The following ZDHHC14 variants were observed in gnomAD, a reference collection of about 807,000 sequenced individuals.
ZDHHC14 encodes zDHHC palmitoyltransferase 14.
ZDHHC14 carries 16 observed loss-of-function variants against 47.7 expected under a neutral mutation model. That is an observed-to-expected ratio of 0.34 (90% CI 0.23 to 0.51). The LOEUF (loss-of-function observed/expected upper bound fraction) is 0.51. ZDHHC14 is among the 20% of genes least tolerant of loss of function. The probability of loss-of-function intolerance (pLI) is 0.97; values close to 1 mark genes in which losing one functional copy is unlikely to be tolerated. For synonymous variants in ZDHHC14, 293 were observed against 278.9 expected (o/e 1.05, Z -0.50); for missense variants, 515 against 662.5 (o/e 0.78, Z 2.44).
At chr6:157,546,943 C>G (rs1781995084) in intron 2 of ZDHHC14, among the ~76,000 whole-genome samples, 1 of 152,142 alleles carries the variant, frequency 6.6e-6, no homozygotes, top group Non-Finnish European at 1.5e-5. Context: ...CTTTGGCTCC[C>G]AAAGCAAGGC....
intron 1 of ZDHHC14, among the ~76,000 whole-genome samples, chr6:157,469,255 A>T (rs1779298496): frequency 6.6e-6 from 1 of 152,116 alleles, no homozygotes; most frequent in Non-Finnish European, 1.5e-5. Context: ...GCCCTCTCTT[A>T]TATGGAGTTG....
intron 1 of ZDHHC14, among the ~76,000 whole-genome samples, chr6:157,504,449 AT>A (rs35677570): frequency 0.47 from 45,018 of 96,360 alleles, 8,897 homozygotes; most frequent in East Asian, 0.5. Flanking sequence ...CACCCAGCCT[AT>A]TTTTTTTTTT....
rs191872255 is a variant in ZDHHC14 at position 157,428,748 on chromosome 6, T to C, written c.245+46482T>C. Among the ~76,000 whole-genome samples, 339 of 152,118 alleles carry C rather than the reference T, an allele frequency of 2.2e-3. 3 individuals are homozygous for C. Among genetic ancestry groups the C allele is most frequent in the African/African-American group, 7.8e-3 (325 of 41,484 alleles). The stretch of plus-strand genomic sequence containing the variant: ...GTCTGATCGAGTCAATTACAGTGCA[T>C]TGTTAGTCGTTACCTGTTCTGGTTG... On this transcript the variant is annotated intron_variant, in intron 1 of 8. Transcript: ENST00000359775.
At chr6:157,392,014 G>C (rs188563876) in intron 1 of ZDHHC14, among the ~76,000 whole-genome samples, 20 of 151,930 alleles carry the variant, frequency 1.3e-4, no homozygotes, top group African/African-American at 4.3e-4. Flanking sequence ...CTGATTCTTG[G>C]CATTTGCTGT....
intron 4 of ZDHHC14, chr6:157,630,737 A>C: frequency 7.5e-6 from 1 of 133,270 alleles, no homozygotes; most frequent in African/African-American, 3.5e-5. Flanking sequence ...ACCGCCTTAC[A>C]CACACATACT....
intron 2 of ZDHHC14, among the ~76,000 whole-genome samples, chr6:157,573,650 G>C (rs1230758668): frequency 6.6e-6 from 1 of 152,156 alleles, no homozygotes; most frequent in Non-Finnish European, 1.5e-5. Context: ...GTCTCTCACA[G>C]TGCTTAACCC....
intron 1 of ZDHHC14, 67 bp downstream of exon 1, chr6:157,382,333 C>T (rs1383147146): frequency 1.3e-6 from 2 of 1,558,766 alleles, no homozygotes; most frequent in African/African-American, 1.4e-5. Context: ...CGCCCCTCCT[C>T]GGGCTGCTTT....
chr6:157,657,682 G>C (rs1194980501), intron 8 of ZDHHC14, among the ~76,000 whole-genome samples: 1 of 152,176 alleles, frequency 6.6e-6, no homozygotes, highest in Non-Finnish European at 1.5e-5. Context: ...GGAGTCATAC[G>C]CGTATAAGCA....
At chr6:157,460,057 CAAAAAAAA>C (rs35995673) in intron 1 of ZDHHC14, among the ~76,000 whole-genome samples, 1 of 118,232 alleles carries the variant, frequency 8.5e-6, no homozygotes, top group African/African-American at 3.2e-5. Context: ...ACTAAAAATA[CAAAAAAAA>C]AAAAAAAAAA....
At chr6:157,551,988 T>G (rs1782253302) in intron 2 of ZDHHC14, among the ~76,000 whole-genome samples, 1 of 152,148 alleles carries the variant, frequency 6.6e-6, no homozygotes, top group Non-Finnish European at 1.5e-5. Context: ...AATAAATCCC[T>G]CTTTCTCCTT....
intron 1 of ZDHHC14, among the ~76,000 whole-genome samples, chr6:157,447,481 C>T (rs942048395): frequency 9.2e-5 from 14 of 152,190 alleles, no homozygotes; most frequent in Admixed American, 2.6e-4. Flanking sequence ...TAGGCACCCC[C>T]GGGACTGAGG....
At chr6:157,492,210 C>CCCCT (rs372015150) in intron 1 of ZDHHC14, among the ~76,000 whole-genome samples, 4 of 146,110 alleles carry the variant, frequency 2.7e-5, no homozygotes, top group African/African-American at 1.0e-4. Context: ...GCCCCCGCCC[C>CCCCT]CCAGCCACTG....
chr6:157,441,731 G>A (rs551413539), intron 1 of ZDHHC14, among the ~76,000 whole-genome samples: 26 of 152,148 alleles, frequency 1.7e-4, no homozygotes, highest in African/African-American at 4.8e-4. Flanking sequence ...CCAGCTACTC[G>A]GGAGGCTGAG....
chr6:157,572,638 T>TC, intron 2 of ZDHHC14, among the ~76,000 whole-genome samples: 1 of 97,154 alleles, frequency 1.0e-5, no homozygotes, highest in African/African-American at 4.1e-5. Flanking sequence ...ATGCTATCCC[T>TC]CCCCCCGCCC....
intron 8 of ZDHHC14, 114 bp downstream of exon 8, chr6:157,653,741 A>G (rs936748919): frequency 3.1e-6 from 3 of 975,210 alleles, no homozygotes; most frequent in African/African-American, 1.6e-5. Context: ...GGCAGCCCAC[A>G]GCCGCCCACC....
At chr6:157,493,363 C>A (rs994202794) in intron 1 of ZDHHC14, among the ~76,000 whole-genome samples, 2 of 152,238 alleles carry the variant, frequency 1.3e-5, no homozygotes, top group African/African-American at 4.8e-5. Flanking sequence ...CAGGCCCGGG[C>A]TCCAGGCGGA....
intron 1 of ZDHHC14, among the ~76,000 whole-genome samples, chr6:157,442,681 C>T (rs901158586): frequency 4.6e-5 from 7 of 152,322 alleles, no homozygotes; most frequent in Admixed American, 6.5e-5. Flanking sequence ...CACGAGGTTA[C>T]GTGCTGTTTT....
intron 2 of ZDHHC14, among the ~76,000 whole-genome samples, chr6:157,558,081 T>C (rs1782550828): frequency 6.6e-6 from 1 of 152,236 alleles, no homozygotes; most frequent in African/African-American, 2.4e-5. Context: ...GTATGATCAT[T>C]TGAAAAGTAA....
chr6:157,445,536 A>G (rs529842157), intron 1 of ZDHHC14, among the ~76,000 whole-genome samples: 10 of 152,256 alleles, frequency 6.6e-5, no homozygotes, highest in Non-Finnish European at 1.0e-4. Flanking sequence ...CTTTGGACCA[A>G]TGGTCCCTCA....
Sources: allele counts gnomAD v4.1 joint callset (sites outside exome capture counted in the v4.1 genomes callset), GRCh38; gene constraint gnomAD v4.1.1; transcripts MANE v1.5; gene names NCBI Gene and HGNC (gene_info 2026-07-23, HGNC 2026-07-21).